Variants in C8orf76 observed in about 807,000 individuals in gnomAD.
C8orf76 encodes chromosome 8 open reading frame 76, also known as uncharacterized protein C8orf76.
A neutral mutation model predicts 38.1 loss-of-function variants in C8orf76; 46 were observed. That is an observed-to-expected ratio of 1.21 (90% CI 0.95 to 1.54). The LOEUF (loss-of-function observed/expected upper bound fraction) is 1.54, where lower values mean the gene tolerates loss of function less well. Among genes scored for constraint, C8orf76 ranks in the 40% most tolerant of loss-of-function variants. The pLI, the probability that C8orf76 is intolerant of heterozygous loss-of-function variation, is 0.00. For synonymous variants in C8orf76, 166 were observed against 167.5 expected, an observed-to-expected ratio of 0.99 and a Z score of 0.07; for missense variants, 461 against 441.6, an observed-to-expected ratio of 1.04 and a Z score of -0.39.
chr8:123,237,444 A>T (rs1586811817), intron 3 of C8orf76, among the ~76,000 whole-genome samples: 1 of 152,306 alleles, frequency 6.6e-6, no homozygotes, highest in East Asian at 1.9e-4. Flanking sequence ...AATACTGTTC[A>T]TTGTAGAAAT....
At chr8:123,237,206 C>A in intron 3 of C8orf76, 1 of 655,292 alleles carries the variant, frequency 1.5e-6, no homozygotes. Context: ...TACCCCAAGA[C>A]GAAGGACAAA....
intron 4 of C8orf76, among the ~76,000 whole-genome samples, chr8:123,230,170 C>A (rs2131144997): frequency 6.6e-6 from 1 of 152,244 alleles, no homozygotes; most frequent in Middle Eastern, 3.4e-3. Context: ...CTTCTCTCAT[C>A]ATTTATAGAA....
intron 4 of C8orf76, among the ~76,000 whole-genome samples, chr8:123,227,925 C>A (rs894295488): frequency 6.6e-5 from 10 of 152,192 alleles, no homozygotes; most frequent in African/African-American, 2.2e-4. Flanking sequence ...GGGAAGCATT[C>A]ACCTTCGTTA....
At chr8:123,233,299 A>G (rs1045329536) in intron 3 of C8orf76, among the ~76,000 whole-genome samples, 6 of 151,966 alleles carry the variant, frequency 3.9e-5, no homozygotes, top group African/African-American at 1.2e-4. Flanking sequence ...GCTTACAGGC[A>G]TGAACCACTG....
At chr8:123,223,954 G>GAT in intron 5 of C8orf76, among the ~76,000 whole-genome samples, 1 of 152,302 alleles carries the variant, frequency 6.6e-6, no homozygotes, top group Non-Finnish European at 1.5e-5. Context: ...GGTAGAGAGA[G>GAT]AAGAAAATAG....
At chr8:123,221,842 G>A (rs1303146857) in intron 5 of C8orf76, among the ~76,000 whole-genome samples, 2 of 152,166 alleles carry the variant, frequency 1.3e-5, no homozygotes, top group South Asian at 2.1e-4. Flanking sequence ...CCAGGAGTTG[G>A]AGGCTGCAGT....
At chr8:123,229,905 T>C (rs1825185256) in intron 4 of C8orf76, among the ~76,000 whole-genome samples, 1 of 152,028 alleles carries the variant, frequency 6.6e-6, no homozygotes, top group African/African-American at 2.4e-5. Context: ...TAATCCCAGC[T>C]ACTCAGGAGG....
intron 5 of C8orf76, among the ~76,000 whole-genome samples, chr8:123,222,951 T>A (rs1205789913): frequency 5.3e-5 from 8 of 152,222 alleles, no homozygotes; most frequent in Admixed American, 5.2e-4. Context: ...GTGCTTTAAG[T>A]CTTTAAAAAT....
chr8:123,227,208 C>T (rs1586801687), intron 4 of C8orf76, among the ~76,000 whole-genome samples: 1 of 152,154 alleles, frequency 6.6e-6, no homozygotes, highest in Non-Finnish European at 1.5e-5. Flanking sequence ...ATGATCATAG[C>T]TGGTCTCCTC....
chr8:123,228,796 T>A (rs1825136020), intron 4 of C8orf76, among the ~76,000 whole-genome samples: 1 of 152,162 alleles, frequency 6.6e-6, no homozygotes. Flanking sequence ...TAATCTAACA[T>A]TTACCAAATG....
rs1825553159 is a variant in C8orf76, at chr8:123,237,832, C to G, written c.323G>C (p.Arg108Thr). The change falls in exon 3 of 6, where the codon AGG becomes ACG. Residue 108 changes from arginine (R) to threonine (T), a missense_variant. Arg to Thr is a moderately conservative substitution (Grantham distance 71). Coordinates refer to ENST00000276704, the MANE Select transcript of C8orf76 (RefSeq NM_032847.3). ...GQARCLAHLG[R>T]HMEALEIAAN... The stretch of plus-strand genomic sequence containing the variant: ...AGCAATCTCCAGCGCCTCCATATGC[C>G]TACCCAGGTGAGCCAGACACCGAGC... The G allele has an allele frequency of 6.2e-7, 1 of 1,613,886 alleles. No homozygotes were observed. Among genetic ancestry groups the G allele is most frequent in the African/African-American group, 1.3e-5 (1 of 74,898 alleles).
chr8:123,227,106 C>T (rs1563797860), intron 4 of C8orf76, among the ~76,000 whole-genome samples: 2 of 152,230 alleles, frequency 1.3e-5, no homozygotes, highest in South Asian at 2.1e-4. Context: ...TAATTAGATT[C>T]GCTAGCACAC....
At chr8:123,226,660 G>A in intron 4 of C8orf76, 28 bp from the exon 5 acceptor site, 2 of 1,574,234 alleles carry the variant, frequency 1.3e-6, no homozygotes, top group Non-Finnish European at 1.7e-6. Context: ...CTCAATGCGT[G>A]GCGAAAAGTC....
intron 3 of C8orf76, among the ~76,000 whole-genome samples, chr8:123,236,222 G>T (rs1825471423): frequency 6.6e-6 from 1 of 152,220 alleles, no homozygotes; most frequent in African/African-American, 2.4e-5. Context: ...CAGCTCAATT[G>T]TGTGCATACG....
intron 4 of C8orf76, among the ~76,000 whole-genome samples, chr8:123,227,534 T>C (rs1430969917): frequency 6.6e-6 from 1 of 151,952 alleles, no homozygotes; most frequent in African/African-American, 2.4e-5. Flanking sequence ...GATGCGGCGG[T>C]ATAGGCAGGA....
rs201885819 is a variant in C8orf76 at position 123,231,784 on chromosome 8, A to C, written c.358-27T>G. The C allele has an allele frequency of 2.0e-6, 3 of 1,534,146 alleles. No individual in the cohort carries two copies. The Admixed American group carries it at 6.6e-5, about 34-fold the overall frequency. On this transcript the variant is annotated intron_variant, in intron 3 of 5. Transcript: ENST00000276704. ...TAAGGAGAAAAAAAAAAGGTTAAGA[A>C]GTTTAAACTTCAAAGCATTTTCCAT...
At chr8:123,241,151 G>C (rs1563803635) in intron 1 of C8orf76, 79 bp downstream of exon 1, 6 of 1,395,120 alleles carry the variant, frequency 4.3e-6, no homozygotes, top group Non-Finnish European at 5.6e-6. Context: ...GCGGACGGAG[G>C]GGCCGAGGCC....
chr8:123,225,804 G>C (rs574741967), intron 5 of C8orf76, among the ~76,000 whole-genome samples: 18 of 151,996 alleles, frequency 1.2e-4, no homozygotes, highest in African/African-American at 4.1e-4. Context: ...ACATGCCTGT[G>C]ATCCCAGCTA....
Position 123,226,532 on chromosome 8 carries a change from A to T in C8orf76, c.916T>A (p.Phe306Ile). The stretch of plus-strand genomic sequence containing the variant: ...ATCAACAGCAAAGTGTCTTCTTTGA[A>T]GCTGAACCCTTTCATTTTATCTTCA... ...EIEDKMKGFS[F>I]KEDTLLLIAE... The change falls in exon 5 of 6, where the codon TTC (phenylalanine) becomes ATC (isoleucine). Residue 306 changes from phenylalanine (F) to isoleucine (I), a missense_variant. Coordinates refer to ENST00000276704, the MANE Select transcript of C8orf76 (RefSeq NM_032847.3). 3 of 1,613,620 alleles carry T rather than the reference A, an allele frequency of 1.9e-6. No individual in the cohort carries two copies. The highest frequency in any genetic ancestry group is 2.5e-6 in the Non-Finnish European group (3 of 1,179,902).
Sources: allele counts gnomAD v4.1 joint callset (sites outside exome capture counted in the v4.1 genomes callset), GRCh38; gene constraint gnomAD v4.1.1; transcripts MANE v1.5; gene names NCBI Gene and HGNC (gene_info 2026-07-23, HGNC 2026-07-21).